The following ANAPC1 variants were observed in gnomAD, a reference collection of about 807,000 sequenced individuals.
ANAPC1 encodes the protein anaphase-promoting complex subunit 1.
ANAPC1 carries 36 observed loss-of-function variants against 208.0 expected under a neutral mutation model. The ratio of observed to expected loss-of-function variants is 0.17; its 90% CI spans 0.13 to 0.23. The LOEUF (loss-of-function observed/expected upper bound fraction) is 0.23. Ranked by LOEUF, ANAPC1 falls within the 10% of genes least tolerant of loss-of-function variation. ANAPC1 has a pLI of 1.00. For missense variants in ANAPC1, 942 were observed against 2,011.6 expected, an observed-to-expected ratio of 0.47 and a Z score of 10.17; for synonymous variants, 378 against 695.2, an observed-to-expected ratio of 0.54 and a Z score of 7.18.
chr2:111,878,727 T>C, intron 3 of ANAPC1, 83 bp downstream of exon 3: 1 of 1,575,638 alleles, frequency 6.3e-7, no homozygotes. Context: ...GCTGGTTTTA[T>C]CATTTCTGTT....
chr2:111,881,913 G>A (rs892639245), intron 1 of ANAPC1, among the ~76,000 whole-genome samples: 1 of 152,122 alleles, frequency 6.6e-6, no homozygotes, highest in Non-Finnish European at 1.5e-5. Flanking sequence ...GACCGGGTGC[G>A]GTGGCTCACG....
At chr2:111,796,655 A>C (rs1678182370) in intron 34 of ANAPC1, among the ~76,000 whole-genome samples, 1 of 147,232 alleles carries the variant, frequency 6.8e-6, no homozygotes, top group African/African-American at 2.6e-5. Context: ...TGAAAGAAAA[A>C]GTGCTATGAA....
intron 8 of ANAPC1, among the ~76,000 whole-genome samples, chr2:111,864,463 C>CCTT (rs1682287822): frequency 1.1e-5 from 1 of 95,186 alleles, no homozygotes; most frequent in Non-Finnish European, 1.9e-5. Flanking sequence ...TATATATATA[C>CCTT]TTTTTTTTTT....
At chr2:111,843,738 G>A in intron 16 of ANAPC1, 139 bp from the exon 17 acceptor site, 1 of 553,020 alleles carries the variant, frequency 1.8e-6, no homozygotes, top group South Asian at 2.2e-5. Flanking sequence ...GAGCCAATGA[G>A]ATGCAAACAT....
chr2:111,845,597 A>G (rs1426665694), intron 16 of ANAPC1, among the ~76,000 whole-genome samples: 2 of 152,148 alleles, frequency 1.3e-5, no homozygotes, highest in African/African-American at 2.4e-5. Context: ...GTTTTCATTT[A>G]TTTAATTTAT....
intron 1 of ANAPC1, among the ~76,000 whole-genome samples, chr2:111,883,595 TCCCCAG>T (rs1683441030): frequency 6.6e-6 from 1 of 150,844 alleles, no homozygotes; most frequent in African/African-American, 2.4e-5. Context: ...CACAAGAGCT[TCCCCAG>T]CCTTTCTAGA....
intron 47 of ANAPC1, 66 bp downstream of exon 47, chr2:111,772,275 G>C: frequency 6.2e-7 from 1 of 1,612,706 alleles, no homozygotes; most frequent in Non-Finnish European, 8.5e-7. Flanking sequence ...AGTAACTACT[G>C]AGAAACTAGA....
chr2:111,862,618 G>C lies in ANAPC1; in HGVS notation c.1053-20C>G, dbSNP rs747117438. 1 of 1,605,334 alleles carries C rather than the reference G, an allele frequency of 6.2e-7. No individual in the cohort carries two copies. The highest frequency in any genetic ancestry group is 2.3e-5 in the East Asian group (1 of 44,306). On this transcript the variant is annotated intron_variant, in intron 9 of 47. Coordinates refer to ENST00000341068, the MANE Select transcript of ANAPC1 (RefSeq NM_022662.4). ...GCACGACTGCAAAATAAACAGAGGA[G>C]AGAGTACATCACAGTTAGCAAGGCA...
At chr2:111,824,488 G>C (rs56099843) in intron 24 of ANAPC1, among the ~76,000 whole-genome samples, 2 of 152,002 alleles carry the variant, frequency 1.3e-5, no homozygotes, top group African/African-American at 2.4e-5. Context: ...AGGGAATATA[G>C]AACTCTTTTC....
intron 11 of ANAPC1, 140 bp downstream of exon 11, chr2:111,858,166 A>C: frequency 1.7e-6 from 1 of 582,722 alleles, no homozygotes; most frequent in Non-Finnish European, 2.9e-6. Flanking sequence ...TTAATTATAC[A>C]GTAAAAACAT....
At chr2:111,788,455 A>G in intron 38 of ANAPC1, 135 bp from the exon 39 acceptor site, 2 of 1,179,242 alleles carry the variant, frequency 1.7e-6, no homozygotes, top group Non-Finnish European at 2.4e-6. Context: ...CAAGAGTGTC[A>G]GTGGTGTGAA....
At chr2:111,864,112 A>C (rs1192450698) in intron 8 of ANAPC1, among the ~76,000 whole-genome samples, 3 of 152,072 alleles carry the variant, frequency 2.0e-5, no homozygotes, top group Non-Finnish European at 2.9e-5. Flanking sequence ...GGATAGCTTG[A>C]GCCAAGGAAT....
intron 29 of ANAPC1, among the ~76,000 whole-genome samples, chr2:111,808,323 G>A (rs1678798502): frequency 6.6e-6 from 1 of 152,098 alleles, no homozygotes; most frequent in Non-Finnish European, 1.5e-5. Flanking sequence ...AAATTGTTGA[G>A]CATATTAATA....
intron 39 of ANAPC1, among the ~76,000 whole-genome samples, chr2:111,787,851 T>C (rs1677647198): frequency 1.4e-5 from 2 of 142,436 alleles, no homozygotes; most frequent in African/African-American, 5.4e-5. Context: ...CATACAGACA[T>C]TGCCACTAAA....
At chr2:111,831,819 T>G in intron 20 of ANAPC1, among the ~76,000 whole-genome samples, 1 of 82,088 alleles carries the variant, frequency 1.2e-5, no homozygotes, top group Non-Finnish European at 2.5e-5. Flanking sequence ...AGAGCGAGAC[T>G]CTGTCTCAAA....
In ANAPC1 at chr2:111,847,184, G is replaced by A. The variant is rs372028227; in HGVS notation, c.1806C>T (p.Gly602=). Residue 602 remains glycine, a synonymous_variant, in exon 16 of 48, where the codon GGC becomes GGT. Transcript: ENST00000341068. The part of the protein sequence containing the change: ...HNRVTLELSN[G]SMVRITIPEI... ...CAGGAATAGTGATCCTAACCATGGA[G>A]CCATTACTCAGTTCCTAGATGGAAA... 7.8e-5 allele frequency: 125 copies of A among 1,610,320 alleles called. No homozygotes were observed. Among genetic ancestry groups the A allele is most frequent in the Admixed American group, 3.2e-4 (19 of 59,850 alleles).
At chr2:111,782,930 T>G (rs571908838) in intron 42 of ANAPC1, among the ~76,000 whole-genome samples, 6 of 152,268 alleles carry the variant, frequency 3.9e-5, no homozygotes, top group African/African-American at 1.4e-4. Flanking sequence ...ATATACAGTC[T>G]GGAAAAAATC....
intron 6 of ANAPC1, 42 bp from the exon 7 acceptor site, chr2:111,868,138 T>A (rs181434940): frequency 7.8e-7 from 1 of 1,286,260 alleles, no homozygotes; most frequent in Non-Finnish European, 1.1e-6. Flanking sequence ...AATACGAGTA[T>A]GTCTGTGCAC....
Position 111,823,316 on chromosome 2 carries a change from C to T in ANAPC1, c.2813-716G>A, listed in dbSNP as rs188725310. Reference sequence around the variant, plus strand: ...ACAGGCATGAGCCACCGCGCCTGGCCCAAGCAACAATAATGCTTATCCATA... The same window carrying T: ...ACAGGCATGAGCCACCGCGCCTGGCTCAAGCAACAATAATGCTTATCCATA... On this transcript the variant is annotated intron_variant, in intron 24 of 47. Transcript: ENST00000341068. 1.2e-3 allele frequency among the ~76,000 whole-genome samples: 189 copies of T among 152,086 alleles called. No individual in the cohort carries two copies. In the Middle Eastern group the frequency reaches 0.014, roughly 11 times the overall value.
Sources: gnomAD v4.1 joint callset for allele counts (sites outside exome capture counted in the v4.1 genomes callset) on GRCh38, gnomAD v4.1.1 for gene constraint, MANE v1.5 for transcripts, NCBI Gene and HGNC (gene_info 2026-07-23, HGNC 2026-07-21) for gene names.